The following PSTPIP2 variants were observed in gnomAD, a reference collection of about 807,000 sequenced individuals.
PSTPIP2 encodes proline-serine-threonine phosphatase interacting protein 2.
A neutral mutation model predicts 63.3 loss-of-function variants in PSTPIP2; 33 were observed. That is an observed-to-expected ratio of 0.52 (90% confidence interval 0.40 to 0.70). The LOEUF (loss-of-function observed/expected upper bound fraction) is 0.70. PSTPIP2 is among the 30% of genes least tolerant of loss of function. The probability of loss-of-function intolerance (pLI) is 0.00; values close to 1 mark genes in which losing one functional copy is unlikely to be tolerated. For synonymous variants in PSTPIP2, 125 were observed against 132.7 expected (o/e 0.94, Z 0.40); for missense variants, 312 against 400.7 (o/e 0.78, Z 1.89).
intron 2 of PSTPIP2, among the ~76,000 whole-genome samples, chr18:46,034,899 A>C (rs1272687759): frequency 6.6e-6 from 1 of 152,180 alleles, no homozygotes; most frequent in Non-Finnish European, 1.5e-5. Flanking sequence ...CTATTAATAT[A>C]ATCTCATTTA....
At chr18:45,985,903 A>C (rs925812098) in intron 14 of PSTPIP2, among the ~76,000 whole-genome samples, 12 of 151,578 alleles carry the variant, frequency 7.9e-5, no homozygotes, top group Non-Finnish European at 1.5e-4. Flanking sequence ...CAGCCTCCCA[A>C]GTAGCTGGGA....
At chr18:46,056,398 G>A (rs1568231452) in intron 1 of PSTPIP2, among the ~76,000 whole-genome samples, 1 of 152,164 alleles carries the variant, frequency 6.6e-6, no homozygotes, top group African/African-American at 2.4e-5. Context: ...TGCATGTGCA[G>A]GGTTCAATTC....
In PSTPIP2 at chr18:45,997,839, A is replaced by T. The variant is rs1334641839; in HGVS notation, c.563-11T>A. On this transcript the variant is annotated splice_polypyrimidine_tract_variant and intron_variant, in intron 8 of 14. Coordinates refer to ENST00000409746, the MANE Select transcript of PSTPIP2 (RefSeq NM_024430.4). ...GCATGTATGCTTTGTCTGCAACAGA[A>T]GGGAGAGACCTGGGTCAGAAACTAG... is the stretch of plus-strand genomic sequence containing the variant. 2 of 1,609,026 alleles carry T rather than the reference A, an allele frequency of 1.2e-6. No individual in the cohort carries two copies.
chr18:45,991,305 C>T (rs556098665), intron 12 of PSTPIP2, among the ~76,000 whole-genome samples: 23 of 152,264 alleles, frequency 1.5e-4, no homozygotes, highest in South Asian at 4.1e-4. Context: ...TTTACATGAA[C>T]GGCAGCGAAC....
At chr18:46,003,160 G>A (rs2051686215) in intron 6 of PSTPIP2, among the ~76,000 whole-genome samples, 1 of 152,178 alleles carries the variant, frequency 6.6e-6, no homozygotes, top group Non-Finnish European at 1.5e-5. Context: ...AGTTACTACT[G>A]GAAAGTGGTT....
intron 1 of PSTPIP2, among the ~76,000 whole-genome samples, chr18:46,043,348 G>T (rs1391900166): frequency 6.6e-6 from 1 of 150,818 alleles, no homozygotes; most frequent in Admixed American, 6.6e-5. Context: ...CCACGTTCAT[G>T]CCAGTGCACT....
At position 46,058,067 on chromosome 18, in the gene PSTPIP2, T is replaced by A. The variant is rs191820066; in HGVS notation, c.33+14089A>T. Among the ~76,000 whole-genome samples the A allele has an allele frequency of 5.9e-3, 897 of 151,982 alleles. 17 individuals are homozygous for A. The highest frequency in any genetic ancestry group is 0.034 in the Admixed American group (520 of 15,260). On this transcript the variant is annotated intron_variant, in intron 1 of 14. Transcript: ENST00000409746. ...GTAAAATTTCTACTTTTATGTTTTTTAAAAAATACAAAACTCTGGGTCAGA... is the reference window on the plus strand; with the variant it reads ...GTAAAATTTCTACTTTTATGTTTTTAAAAAAATACAAAACTCTGGGTCAGA...
In PSTPIP2 at chr18:45,985,387, G is replaced by C. The variant is rs78004015; in HGVS notation, c.*72C>G. The C allele has an allele frequency of 2.8e-3, 4,516 of 1,602,004 alleles. 106 individuals carry two copies. The African/African-American group carries it at 0.054, about 19-fold the overall frequency. On this transcript the variant is annotated 3_prime_UTR_variant, in exon 15 of 15. Transcript: ENST00000409746. Reference sequence around the variant, plus strand: ...TCATTGCTGACATAACGTGGCTATAGGTCCTGCTGCTCTGGGTGCCCTTTC... The same window carrying C: ...TCATTGCTGACATAACGTGGCTATACGTCCTGCTGCTCTGGGTGCCCTTTC...
At position 46,001,577 on chromosome 18, in the gene PSTPIP2, A is replaced by G. The variant is rs571820121; in HGVS notation, c.418-2043T>C. ...AGTGTTCAATTCAGTGGTATTAGAT[A>G]CATTTATAAAGTTACATAACCATCA... On this transcript the variant is annotated intron_variant, in intron 6 of 14. Transcript: ENST00000409746. Among the ~76,000 whole-genome samples the G allele has an allele frequency of 3.0e-4, 45 of 152,276 alleles. 1 individual carries two copies. The highest frequency in any genetic ancestry group is 2.6e-3 in the Admixed American group (40 of 15,292).
At chr18:46,002,248 A>G (rs1352124919) in intron 6 of PSTPIP2, among the ~76,000 whole-genome samples, 3 of 152,280 alleles carry the variant, frequency 2.0e-5, no homozygotes, top group African/African-American at 7.2e-5. Context: ...GGATATATAG[A>G]TTTATGTCTT....
chr18:46,043,541 A>C (rs1254144287), intron 1 of PSTPIP2, among the ~76,000 whole-genome samples: 1 of 152,236 alleles, frequency 6.6e-6, no homozygotes, highest in Non-Finnish European at 1.5e-5. Flanking sequence ...AAAAAGCCTC[A>C]GCTAACAGCC....
chr18:46,041,231 A>G (rs1908181331), intron 1 of PSTPIP2, among the ~76,000 whole-genome samples: 1 of 151,922 alleles, frequency 6.6e-6, no homozygotes, highest in Admixed American at 6.6e-5. Context: ...GAGAAGGAAT[A>G]TATATATATG....
intron 2 of PSTPIP2, chr18:46,028,382 C>G (rs1356674824): frequency 2.0e-6 from 1 of 501,690 alleles, no homozygotes; most frequent in African/African-American, 2.0e-5. Context: ...CGAAAACCGC[C>G]GGCCAGGCCA....
intron 4 of PSTPIP2, 87 bp downstream of exon 4, chr18:46,015,816 G>T: frequency 7.0e-7 from 1 of 1,419,970 alleles, no homozygotes; most frequent in Non-Finnish European, 9.7e-7. Context: ...CTATGAAACT[G>T]CTGTTCAAAT....
intron 1 of PSTPIP2, among the ~76,000 whole-genome samples, chr18:46,051,827 A>G (rs951627050): frequency 6.6e-6 from 1 of 152,358 alleles, no homozygotes; most frequent in African/African-American, 2.4e-5. Flanking sequence ...TCCAGTTAAT[A>G]AAAAACAAGT....
chr18:45,997,227 C>T (rs1310881680), intron 9 of PSTPIP2, among the ~76,000 whole-genome samples: 1 of 152,052 alleles, frequency 6.6e-6, no homozygotes, highest in Non-Finnish European at 1.5e-5. Context: ...CTTGTTCTGT[C>T]GCCCAGGCTG....
At chr18:46,027,811 T>G (rs1907637548) in intron 2 of PSTPIP2, among the ~76,000 whole-genome samples, 1 of 152,192 alleles carries the variant, frequency 6.6e-6, no homozygotes, top group Non-Finnish European at 1.5e-5. Flanking sequence ...CTCTTTACCA[T>G]AGGAAAAATT....
chr18:46,024,576 A>C, intron 3 of PSTPIP2, 33 bp downstream of exon 3: 1 of 1,576,554 alleles, frequency 6.3e-7, no homozygotes, highest in Non-Finnish European at 8.7e-7. Flanking sequence ...ATTATTAACC[A>C]ACCTGGAAAC....
chr18:46,009,298 T>C (rs1330958272), intron 5 of PSTPIP2, among the ~76,000 whole-genome samples: 1 of 143,900 alleles, frequency 6.9e-6, no homozygotes, highest in Admixed American at 7.4e-5. Flanking sequence ...GACCAAAGCG[T>C]GTGTCTGACC....
Sources: gnomAD v4.1 joint callset for allele counts (sites outside exome capture counted in the v4.1 genomes callset) on GRCh38, gnomAD v4.1.1 for gene constraint, MANE v1.5 for transcripts, NCBI Gene and HGNC (gene_info 2026-07-23, HGNC 2026-07-21) for gene names.